ZFHX3: variants seen among roughly 807,000 people sequenced by gnomAD.
ZFHX3 encodes the protein zinc finger homeobox protein 3.
A neutral mutation model predicts 279.1 loss-of-function variants in ZFHX3; 42 were observed. The observed-to-expected ratio is 0.15, with a 90% CI of 0.12 to 0.19. ZFHX3 has a LOEUF of 0.19. Among genes scored for constraint, ZFHX3 ranks in the 10% least tolerant of loss-of-function variants. The pLI, the probability that ZFHX3 is intolerant of heterozygous loss-of-function variation, is 1.00. For synonymous variants in ZFHX3, 2,293 were observed against 1,957.8 expected (o/e 1.17, Z -4.52); for missense variants, 4,981 against 4,754.0 (o/e 1.05, Z -1.40).
At chr16:73,160,881 T>A (rs1967218757) in intron 5 of ZFHX3, among the ~76,000 whole-genome samples, 1 of 151,630 alleles carries the variant, frequency 6.6e-6, no homozygotes, top group East Asian at 1.9e-4. Context: ...TGGTCACACA[T>A]TTTTCTCCCC....
intron 1 of ZFHX3, among the ~76,000 whole-genome samples, chr16:72,988,595 G>A (rs1487146654): frequency 6.6e-6 from 1 of 152,166 alleles, no homozygotes; most frequent in Non-Finnish European, 1.5e-5. Context: ...GATCCTGATT[G>A]GAATTCAATT....
At chr16:72,950,082 G>GAA (rs66812068) in intron 3 of ZFHX3, among the ~76,000 whole-genome samples, 2 of 136,162 alleles carry the variant, frequency 1.5e-5, no homozygotes, top group Admixed American at 7.4e-5. Context: ...AGGAGAAATA[G>GAA]AAAAAAAAAA....
In ZFHX3 at chr16:72,811,767, C is replaced by A; in HGVS notation, c.3674G>T (p.Cys1225Phe). The A allele has an allele frequency of 1.2e-6, 2 of 1,613,562 alleles. No homozygotes were observed. The highest frequency in any genetic ancestry group is 2.2e-5 in the South Asian group (2 of 90,976). Residue 1225 changes from cysteine to phenylalanine, a missense_variant, in exon 7 of 10, where the codon TGT becomes TTT. Transcript: ENST00000268489. Reference protein sequence around the residue: ...EEIKPEQMYQCPYCKYSNADV... With the variant: ...EEIKPEQMYQFPYCKYSNADV... ...GGCATTACTGTACTTGCAGTAGGGACACTGGTACATCTGTGGGGAACACAC... is the reference window on the plus strand; with the variant it reads ...GGCATTACTGTACTTGCAGTAGGGAAACTGGTACATCTGTGGGGAACACAC...
At chr16:72,816,681 TCTC>T (rs1216145993) in intron 5 of ZFHX3, among the ~76,000 whole-genome samples, 3 of 152,138 alleles carry the variant, frequency 2.0e-5, no homozygotes, top group African/African-American at 4.8e-5. Context: ...AGCCACCACT[TCTC>T]CTCATTCTGT....
intron 1 of ZFHX3, among the ~76,000 whole-genome samples, chr16:73,783,085 C>A (rs1240898252): frequency 6.6e-6 from 1 of 152,176 alleles, no homozygotes; most frequent in Non-Finnish European, 1.5e-5. Flanking sequence ...GCAGCCCACT[C>A]CCAGCTTCAT....
At chr16:72,897,982 C>T (rs986704817) in intron 3 of ZFHX3, among the ~76,000 whole-genome samples, 2 of 152,164 alleles carry the variant, frequency 1.3e-5, no homozygotes, top group African/African-American at 4.8e-5. Flanking sequence ...CAGGTGTTCA[C>T]CTTGAATGCC....
At chr16:73,361,409 A>G (rs1321436840) in intron 3 of ZFHX3, among the ~76,000 whole-genome samples, 4 of 152,274 alleles carry the variant, frequency 2.6e-5, no homozygotes, top group Non-Finnish European at 5.9e-5. Flanking sequence ...GAGAGGGACC[A>G]CAGAGCTCTG....
At chr16:73,757,056 G>T (rs561025961) in intron 1 of ZFHX3, among the ~76,000 whole-genome samples, 2 of 152,240 alleles carry the variant, frequency 1.3e-5, no homozygotes, top group South Asian at 4.2e-4. Context: ...AGGAACAAAC[G>T]TGGGCTTACA....
At chr16:73,809,802 A>T (rs1319358240) in intron 1 of ZFHX3, 2 of 152,262 alleles carry the variant, frequency 1.3e-5, no homozygotes, top group African/African-American at 4.8e-5. Context: ...AAACTCCATT[A>T]CCTAACCTAG....
At chr16:73,443,786 G>A (rs192226802) in intron 3 of ZFHX3, among the ~76,000 whole-genome samples, 51 of 151,990 alleles carry the variant, frequency 3.4e-4, no homozygotes, top group Admixed American at 7.2e-4. Context: ...AGACAGTCTA[G>A]CTCTGTTGCC....
At chr16:73,133,019 A>C (rs1966721346) in intron 6 of ZFHX3, among the ~76,000 whole-genome samples, 1 of 152,232 alleles carries the variant, frequency 6.6e-6, no homozygotes, top group Non-Finnish European at 1.5e-5. Context: ...AGTGATGAGC[A>C]ACCTTGGCAA....
chr16:73,466,541 C>A (rs1431602727), intron 2 of ZFHX3, among the ~76,000 whole-genome samples: 1 of 152,134 alleles, frequency 6.6e-6, no homozygotes, highest in Non-Finnish European at 1.5e-5. Context: ...ATTACCTAGG[C>A]AAGCTTGATT....
chr16:73,570,113 C>T (rs1236336321), intron 2 of ZFHX3, among the ~76,000 whole-genome samples: 2 of 152,118 alleles, frequency 1.3e-5, no homozygotes, highest in African/African-American at 4.8e-5. Context: ...TTCTTTGAAA[C>T]ATTAAAGATA....
At chr16:72,852,093 T>C (rs1020715963) in intron 4 of ZFHX3, among the ~76,000 whole-genome samples, 2 of 152,196 alleles carry the variant, frequency 1.3e-5, no homozygotes, top group Non-Finnish European at 2.9e-5. Flanking sequence ...ATACAGAAAT[T>C]GTCTAAAACA....
chr16:73,006,291 T>G (rs917886824), intron 1 of ZFHX3: 1 of 152,208 alleles, frequency 6.6e-6, no homozygotes, highest in African/African-American at 2.4e-5. Context: ...AAGCTTGAGT[T>G]TTCAAAATTC....
Position 73,189,499 on chromosome 16 carries a change from G to A in ZFHX3, c.-1103-45668C>T, listed in dbSNP as rs546626804. ...CTAGAAGACTTAATAGGTCTTTTCC[G>A]TCTTTAATTTCCATGGTTCTAAATA... On this transcript the variant is annotated intron_variant, in intron 5 of 17. Transcript: ENST00000641206. 5.9e-5 allele frequency among the ~76,000 whole-genome samples: 9 copies of A among 152,198 alleles called. No individual in the cohort carries two copies. In the South Asian group the frequency reaches 8.3e-4, roughly 14 times the overall value.
chr16:73,057,532 G>C (rs1437611918), intron 1 of ZFHX3, among the ~76,000 whole-genome samples: 3 of 80,592 alleles, frequency 3.7e-5, no homozygotes, highest in Non-Finnish European at 8.0e-5. Flanking sequence ...AGATTCGCGA[G>C]AGCAAAAAAA....
At chr16:73,750,568 T>G (rs914583798) in intron 1 of ZFHX3, among the ~76,000 whole-genome samples, 1 of 152,098 alleles carries the variant, frequency 6.6e-6, no homozygotes, top group Non-Finnish European at 1.5e-5. Context: ...GAATAAACTT[T>G]AAGAGGGAAT....
intron 4 of ZFHX3, among the ~76,000 whole-genome samples, chr16:73,265,806 G>C (rs2013957888): frequency 6.6e-6 from 1 of 152,196 alleles, no homozygotes; most frequent in South Asian, 2.1e-4. Context: ...TGATAGAGGA[G>C]AGCAGTTCAG....
Sources: gnomAD v4.1 joint callset for allele counts (sites outside exome capture counted in the v4.1 genomes callset) on GRCh38, gnomAD v4.1.1 for gene constraint, MANE v1.5 for transcripts, NCBI Gene and HGNC (gene_info 2026-07-23, HGNC 2026-07-21) for gene names.